ANLN: variants seen among roughly 807,000 people sequenced by gnomAD.
The protein encoded by ANLN is anillin.
ANLN carries 59 observed loss-of-function variants against 135.1 expected under a neutral mutation model. The observed-to-expected ratio is 0.44, with a 90% confidence interval of 0.35 to 0.54. The LOEUF (loss-of-function observed/expected upper bound fraction) is 0.54, where lower values mean the gene tolerates loss of function less well. Ranked by LOEUF, ANLN falls within the 20% of genes least tolerant of loss-of-function variation. The probability of loss-of-function intolerance (pLI) is 0.00; values close to 1 mark genes in which losing one functional copy is unlikely to be tolerated. For synonymous variants in ANLN, 406 were observed against 456.4 expected, an observed-to-expected ratio of 0.89 and a Z score of 1.41; for missense variants, 1,182 against 1,340.0, an observed-to-expected ratio of 0.88 and a Z score of 1.84.
At chr7:36,409,756 C>T (rs1787332941) in intron 5 of ANLN, among the ~76,000 whole-genome samples, 1 of 152,032 alleles carries the variant, frequency 6.6e-6, no homozygotes, top group Non-Finnish European at 1.5e-5. Flanking sequence ...TTACTGCAGC[C>T]TCGACCTCCC....
chr7:36,443,511 T>C (rs1788863915), intron 21 of ANLN, among the ~76,000 whole-genome samples: 1 of 152,206 alleles, frequency 6.6e-6, no homozygotes, highest in Non-Finnish European at 1.5e-5. Context: ...TAGGTAGAGG[T>C]ATTTAATTTA....
At chr7:36,405,050 G>A (rs1454152315) in intron 3 of ANLN, among the ~76,000 whole-genome samples, 3 of 152,190 alleles carry the variant, frequency 2.0e-5, no homozygotes, top group African/African-American at 7.2e-5. Context: ...ACATATTGAC[G>A]TTTTGATCAG....
chr7:36,415,817 A>T lies in ANLN; in HGVS notation c.1455A>T (p.Ser485=). The T allele has an allele frequency of 6.2e-7, 1 of 1,610,678 alleles. No individual in the cohort carries two copies. Among genetic ancestry groups the T allele is most frequent in the Non-Finnish European group, 8.5e-7 (1 of 1,178,834 alleles). The change falls in exon 8 of 24, where the codon TCA becomes TCT. Residue 485 remains serine, a synonymous_variant. Coordinates refer to ENST00000265748, the MANE Select transcript of ANLN (RefSeq NM_018685.5). ...ACCAAGGTGTTTCAAAAACTCAGTC[A>T]CTTCCAGTAACAGAAAAGGTGACCG... The part of the protein sequence containing the change: ...KKHQGVSKTQ[S]LPVTEKVTEN...
Position 36,396,379 on chromosome 7 carries a change from T to C in ANLN, c.132T>C (p.Leu44=). ...MTHAKRARQP[L]SEASNQQPLS... is the part of the protein sequence containing the mutation. ...ATGCTAAGCGAGCTAGACAGCCACT[T>C]TCAGAAGCAAGTAACCAGCAGCCCC... Residue 44 remains leucine (L), a synonymous_variant, in exon 2 of 24, where the codon CTT becomes CTC. Coordinates refer to ENST00000265748, the MANE Select transcript of ANLN (RefSeq NM_018685.5). The C allele has an allele frequency of 2.5e-6, 4 of 1,599,674 alleles. No individual in the cohort carries two copies. Among genetic ancestry groups the C allele is most frequent in the Non-Finnish European group, 3.4e-6 (4 of 1,169,010 alleles).
rs757618904 is a variant in ANLN at position 36,449,743 on chromosome 7, C to T, written c.3157C>T (p.Arg1053Cys). 19 of 1,613,832 alleles carry T rather than the reference C, an allele frequency of 1.2e-5. No homozygotes were observed. Among genetic ancestry groups the T allele is most frequent in the East Asian group, 2.2e-5 (1 of 44,882 alleles). The change falls in exon 23 of 24, where the codon CGC (arginine) becomes TGC (cysteine). Residue 1053 changes from arginine (R) to cysteine (C), a missense_variant. This residue lies in a region of ANLN where 82 missense variants were observed against 133.3 expected (regional missense o/e 0.62). Transcript: ENST00000265748. ...EPANREFCAR[R>C]NTFELITVRP... ...AGCCAACAGAGAATTTTGTGCAAGA[C>T]GCAACACTTTTGAATTAATTACTGT...
rs1244305597 is a variant in ANLN at position 36,414,563 on chromosome 7, G to A, written c.1396-1195G>A. ...CCTTAGGAAAGGGAAGGTGACAGGG[G>A]AAATACTGTATGGAGGAAAGAAGAG... On this transcript the variant is annotated intron_variant, in intron 7 of 23. Transcript: ENST00000265748. Among the ~76,000 whole-genome samples, 4 of 152,260 alleles carry A rather than the reference G, an allele frequency of 2.6e-5. 1 individual carries two copies. Among genetic ancestry groups the A allele is most frequent in the Middle Eastern group, 6.8e-3 (2 of 292 alleles).
chr7:36,441,243 T>C (rs1788758629), intron 21 of ANLN, among the ~76,000 whole-genome samples: 1 of 152,220 alleles, frequency 6.6e-6, no homozygotes, highest in Admixed American at 6.5e-5. Flanking sequence ...TCTCACCTAA[T>C]TAGTTTTTTA....
intron 7 of ANLN, among the ~76,000 whole-genome samples, chr7:36,412,781 G>T (rs998699809): frequency 2.7e-4 from 41 of 152,138 alleles, no homozygotes; most frequent in African/African-American, 8.2e-4. Context: ...TCCTCCACAG[G>T]TATGCTTCAG....
chr7:36,392,567 G>A (rs191413850), intron 1 of ANLN, among the ~76,000 whole-genome samples: 1 of 149,728 alleles, frequency 6.7e-6, no homozygotes, highest in African/African-American at 2.5e-5. Flanking sequence ...ATATTTCAAG[G>A]AATATACCTT....
chr7:36,425,154 C>CT (rs111534943), intron 17 of ANLN, among the ~76,000 whole-genome samples: 3,394 of 146,786 alleles, frequency 0.023, 51 homozygotes, highest in Middle Eastern at 0.053. Flanking sequence ...ATTTTAAAAA[C>CT]TTTTTTTTTT....
At position 36,424,545 on chromosome 7, in the gene ANLN, G is replaced by A; in HGVS notation, c.2604G>A (p.Leu868=). The A allele has an allele frequency of 1.3e-6, 2 of 1,594,646 alleles. No individual in the cohort carries two copies. The highest frequency in any genetic ancestry group is 1.7e-6 in the Non-Finnish European group (2 of 1,169,550). ...DALTFTTTFT[L]QDVSNDFEIN... is the part of the protein sequence containing the mutation. ...TTTACTTAATGCTTTATTTTTCCAG[G>A]CAAGATGTATCCAATGACTTTGAAA... The change falls in exon 16 of 24, where the codon CTG becomes CTA. Residue 868 remains leucine (L), a splice_region_variant and synonymous_variant. Coordinates refer to ENST00000265748, the MANE Select transcript of ANLN (RefSeq NM_018685.5).
At chr7:36,402,731 T>A (rs886081595) in intron 3 of ANLN, among the ~76,000 whole-genome samples, 1 of 152,138 alleles carries the variant, frequency 6.6e-6, no homozygotes, top group African/African-American at 2.4e-5. Flanking sequence ...TACCTCTGCT[T>A]TCTATACATT....
At chr7:36,449,043 G>C (rs1789131778) in intron 22 of ANLN, 1 of 152,148 alleles carries the variant, frequency 6.6e-6, no homozygotes, top group Non-Finnish European at 1.5e-5. Flanking sequence ...TTTTAAATTG[G>C]TATGTTCTAT....
At chr7:36,444,247 G>T (rs1049867526) in intron 22 of ANLN, among the ~76,000 whole-genome samples, 1 of 150,084 alleles carries the variant, frequency 6.7e-6, no homozygotes, top group East Asian at 2.0e-4. Context: ...CCGAGATCAC[G>T]CCACGGCACT....
chr7:36,435,203 A>C (rs1304998857), intron 20 of ANLN, among the ~76,000 whole-genome samples: 2 of 152,198 alleles, frequency 1.3e-5, no homozygotes, highest in East Asian at 3.8e-4. Context: ...ATACACCTAT[A>C]TAACCAAAAC....
chr7:36,410,145 A>G (rs1250067301), intron 5 of ANLN, among the ~76,000 whole-genome samples: 1 of 152,220 alleles, frequency 6.6e-6, no homozygotes, highest in African/African-American at 2.4e-5. Flanking sequence ...GGAAGTTACC[A>G]TGGCCAGCAC....
At position 36,431,617 on chromosome 7, in the gene ANLN, A is replaced by ATATATATATATATAT. The variant is rs141380630; in HGVS notation, c.2883+4589_2883+4590insTATATATATATATAT. On this transcript the variant is annotated intron_variant, in intron 20 of 23. Transcript: ENST00000265748. ...TGTGTGTATATATATATATATATATAATATATATATATATATTACCATTTT... is the reference window on the plus strand; with the variant it reads ...TGTGTGTATATATATATATATATATATATATATATATATATATATATATATATATATTACCATTTT... 2.2e-3 allele frequency among the ~76,000 whole-genome samples: 145 copies of ATATATATATATATAT among 67,306 alleles called. 2 individuals carry two copies. The highest frequency in any genetic ancestry group is 8.2e-3 in the Middle Eastern group (1 of 122). 44.2% of individuals were successfully genotyped at this position (67,306 alleles called of 152,430 possible). A position where few individuals can be genotyped will look rare whatever the true frequency, so the allele number is the denominator to read the frequency against.
intron 5 of ANLN, among the ~76,000 whole-genome samples, chr7:36,408,206 G>C (rs1787270812): frequency 6.6e-6 from 1 of 152,090 alleles, no homozygotes; most frequent in Admixed American, 6.5e-5. Context: ...GGATGATCAT[G>C]CTAGATTTTT....
chr7:36,391,572 C>T (rs1229385794), intron 1 of ANLN, among the ~76,000 whole-genome samples: 1 of 152,192 alleles, frequency 6.6e-6, no homozygotes, highest in Non-Finnish European at 1.5e-5. Context: ...GAATGAACTA[C>T]TTGAATTGAT....
Sources: allele counts gnomAD v4.1 joint callset (sites outside exome capture counted in the v4.1 genomes callset), GRCh38; gene constraint gnomAD v4.1.1; regional missense constraint gnomAD v4.1.1; transcripts MANE v1.5; gene names NCBI Gene and HGNC (gene_info 2026-07-23, HGNC 2026-07-21).